HSPA4L: variants seen among roughly 807,000 people sequenced by gnomAD.
HSPA4L encodes heat shock 70 kDa protein 4L.
In HSPA4L, 48 loss-of-function variants were observed where a neutral mutation model predicts 100.3. The observed-to-expected ratio is 0.48, with a 90% CI of 0.38 to 0.61. The LOEUF (loss-of-function observed/expected upper bound fraction) is 0.61, where lower values mean the gene tolerates loss of function less well. HSPA4L is among the 20% of genes least tolerant of loss of function. HSPA4L has a pLI of 0.00. For synonymous variants in HSPA4L, 319 were observed against 328.2 expected (o/e 0.97, Z 0.30); for missense variants, 886 against 988.6 (o/e 0.90, Z 1.39).
intron 1 of HSPA4L, among the ~76,000 whole-genome samples, chr4:127,786,919 C>T (rs1732733741): frequency 6.6e-6 from 1 of 152,144 alleles, no homozygotes; most frequent in Non-Finnish European, 1.5e-5. Flanking sequence ...ATAGATACTT[C>T]TCAGAGGTAG....
intron 16 of HSPA4L, among the ~76,000 whole-genome samples, chr4:127,825,450 G>A (rs115535321): frequency 0.024 from 3,710 of 152,168 alleles, 78 homozygotes; most frequent in Non-Finnish European, 0.034. Context: ...CATGAGGTGG[G>A]GGAAGGTGTG....
intron 10 of HSPA4L, among the ~76,000 whole-genome samples, chr4:127,806,882 T>C (rs185694059): frequency 2.0e-5 from 3 of 152,152 alleles, no homozygotes; most frequent in Admixed American, 2.0e-4. Flanking sequence ...CTTATCTGAA[T>C]GTCTTGCAAA....
rs903157217 is a variant in HSPA4L, at chr4:127,795,668, T to C, written c.166-100T>C. 54 of 1,055,438 alleles carry C rather than the reference T, an allele frequency of 5.1e-5. 1 individual carries two copies. The highest frequency in any genetic ancestry group is 7.1e-5 in the Non-Finnish European group (51 of 717,912). The allele number at this position is 1,055,438 out of a possible 1,614,324, so 65.4% of individuals were successfully genotyped here. The stretch of plus-strand genomic sequence containing the variant: ...GATTATTTGTAATCCTAAACTTGGA[T>C]GTGTAGGATAAAGGAACTTGGTGGT... On this transcript the variant is annotated intron_variant, in intron 2 of 18. Transcript: ENST00000296464.
chr4:127,832,274 C>T (rs1429577696), intron 18 of HSPA4L, among the ~76,000 whole-genome samples: 1 of 152,010 alleles, frequency 6.6e-6, no homozygotes, highest in Non-Finnish European at 1.5e-5. Flanking sequence ...TTGTATGATT[C>T]CATTTATTAG....
chr4:127,783,537 C>T (rs1732629095), intron 1 of HSPA4L: 1 of 1,507,714 alleles, frequency 6.6e-7, no homozygotes, highest in Non-Finnish European at 8.8e-7. Context: ...TCCGTTGTTT[C>T]TCTGGCCTGG....
At chr4:127,813,854 C>T (rs1272481934) in intron 12 of HSPA4L, among the ~76,000 whole-genome samples, 1 of 152,142 alleles carries the variant, frequency 6.6e-6, no homozygotes, top group South Asian at 2.1e-4. Flanking sequence ...CTGTGTTAGC[C>T]GGGATGGTCT....
At chr4:127,789,499 T>A (rs1455974620) in intron 1 of HSPA4L, among the ~76,000 whole-genome samples, 1 of 151,766 alleles carries the variant, frequency 6.6e-6, no homozygotes, top group Non-Finnish European at 1.5e-5. Flanking sequence ...ACAAAAAAAA[T>A]TAGCCGGGCA....
At chr4:127,819,052 T>G (rs1733745788) in intron 13 of HSPA4L, among the ~76,000 whole-genome samples, 1 of 152,144 alleles carries the variant, frequency 6.6e-6, no homozygotes, top group Admixed American at 6.5e-5. Context: ...AAAAATCATT[T>G]CAGAAAAATA....
At chr4:127,812,661 T>C (rs1733567571) in intron 12 of HSPA4L, 1 of 691,048 alleles carries the variant, frequency 1.4e-6, no homozygotes, top group Admixed American at 2.6e-5. Context: ...TGTTTTTGTT[T>C]TGTTTTGTTT....
chr4:127,798,021 T>C (rs1296501193), intron 3 of HSPA4L, among the ~76,000 whole-genome samples: 1 of 152,148 alleles, frequency 6.6e-6, no homozygotes, highest in Non-Finnish European at 1.5e-5. Flanking sequence ...ATAATACTTG[T>C]TTTTGAATTT....
chr4:127,825,659 C>G (rs1733932005), intron 16 of HSPA4L, among the ~76,000 whole-genome samples: 1 of 152,124 alleles, frequency 6.6e-6, no homozygotes, highest in Non-Finnish European at 1.5e-5. Context: ...TGCAGTAGCT[C>G]ATACCTGTAA....
rs573754238 is a variant in HSPA4L, at chr4:127,801,211, T to C, written c.503T>C (p.Leu168Ser). 1 of 1,611,940 alleles carries C rather than the reference T, an allele frequency of 6.2e-7. No individual in the cohort carries two copies. The highest frequency in any genetic ancestry group is 1.1e-5 in the South Asian group (1 of 90,876). The change falls in exon 5 of 19, where the codon TTA becomes TCA. Residue 168 changes from leucine to serine, a missense_variant. Leu to Ser is a moderately radical substitution (Grantham distance 145). Coordinates refer to ENST00000296464, the MANE Select transcript of HSPA4L (RefSeq NM_014278.4). ...GCCCAGGTTGCAGGCTTAAATTGTT[T>C]AAGGTTGATGAATGAAACTACTGCA... ...AAAQVAGLNCLRLMNETTAVA... is the reference protein window; with the variant it reads ...AAAQVAGLNCSRLMNETTAVA...
At chr4:127,811,408 A>G (rs1733524856) in intron 11 of HSPA4L, 29 bp from the exon 12 acceptor site, 28 of 1,547,098 alleles carry the variant, frequency 1.8e-5, no homozygotes, top group Non-Finnish European at 2.5e-5. Flanking sequence ...TGAGGCTCAC[A>G]TACTGATTGG....
At chr4:127,796,013 C>G in intron 3 of HSPA4L, 105 bp downstream of exon 3, 1 of 951,792 alleles carries the variant, frequency 1.1e-6, no homozygotes, top group South Asian at 2.0e-5. Flanking sequence ...AGATACAGTA[C>G]ATACACACCG....
chr4:127,806,571 A>G (rs1413902368), intron 10 of HSPA4L, among the ~76,000 whole-genome samples: 1 of 152,038 alleles, frequency 6.6e-6, no homozygotes, highest in Admixed American at 6.5e-5. Flanking sequence ...TTTTAAAAAA[A>G]GCACTGTTAT....
chr4:127,818,217 T>G, intron 12 of HSPA4L, 108 bp from the exon 13 acceptor site: 1 of 629,684 alleles, frequency 1.6e-6, no homozygotes, highest in South Asian at 2.7e-5. Flanking sequence ...CTTAACTGTT[T>G]CTACATTTTA....
At chr4:127,809,137 T>G in intron 11 of HSPA4L, 2 of 728,730 alleles carry the variant, frequency 2.7e-6, no homozygotes, top group Non-Finnish European at 4.9e-6. Context: ...GCTCACCATT[T>G]GCCACTGCAC....
chr4:127,782,077 T>G (rs893257282), upstream of HSPA4L: 1 of 455,278 alleles, frequency 2.2e-6, no homozygotes, highest in Non-Finnish European at 4.4e-6. Context: ...TAGCCTCCTT[T>G]CCCCGATCCT....
chr4:127,819,713 C>T (rs1031755219), intron 13 of HSPA4L, among the ~76,000 whole-genome samples: 3 of 152,126 alleles, frequency 2.0e-5, no homozygotes, highest in Non-Finnish European at 2.9e-5. Context: ...ATTTCATATA[C>T]GTACAGTTAT....
Sources: gnomAD v4.1 joint callset for allele counts (sites outside exome capture counted in the v4.1 genomes callset) on GRCh38, gnomAD v4.1.1 for gene constraint, MANE v1.5 for transcripts, NCBI Gene and HGNC (gene_info 2026-07-23, HGNC 2026-07-21) for gene names.